The following WASF3 variants were observed in gnomAD, a reference collection of about 807,000 sequenced individuals.
The protein encoded by WASF3 is WASP family member 3, also known as actin-binding protein WASF3.
Under a neutral mutation model 46.6 loss-of-function variants are expected in WASF3, and 11 were observed. The ratio of observed to expected loss-of-function variants is 0.24; its 90% CI spans 0.15 to 0.39. The LOEUF (loss-of-function observed/expected upper bound fraction) is 0.39, where lower values mean the gene tolerates loss of function less well. Ranked by LOEUF, WASF3 falls within the 10% of genes least tolerant of loss-of-function variation. The pLI, the probability that WASF3 is intolerant of heterozygous loss-of-function variation, is 1.00. For missense variants in WASF3, 576 were observed against 669.8 expected (o/e 0.86, Z 1.55); for synonymous variants, 242 against 259.7 (o/e 0.93, Z 0.65).
chr13:26,687,083 C>G lies in WASF3; in HGVS notation c.*1238C>G, dbSNP rs949231430. On this transcript the variant is annotated 3_prime_UTR_variant, in exon 10 of 10. Transcript: ENST00000335327. ...TGCTGTGCCCTCACCTCCACCCTTC[C>G]TGTTGTTCCCACGTGGGCAATACCA... 1 of 152,252 alleles carries G rather than the reference C, an allele frequency of 6.6e-6. No homozygotes were observed. Among genetic ancestry groups the G allele is most frequent in the African/African-American group, 2.4e-5 (1 of 41,456 alleles). 9.4% of individuals were successfully genotyped at this position (152,252 alleles called of 1,614,324 possible).
intron 2 of WASF3, among the ~76,000 whole-genome samples, chr13:26,613,294 T>A (rs1566051087): frequency 6.6e-6 from 1 of 152,026 alleles, no homozygotes; most frequent in Admixed American, 6.5e-5. Flanking sequence ...TTCACTTCCA[T>A]GTTAATTTTT....
chr13:26,637,749 T>C (rs1456624979), intron 2 of WASF3, among the ~76,000 whole-genome samples: 1 of 152,214 alleles, frequency 6.6e-6, no homozygotes, highest in Non-Finnish European at 1.5e-5. Context: ...GTCACTGTAA[T>C]CTTTAGCAAT....
the WASF3 span, among the ~76,000 whole-genome samples, chr13:26,544,823 G>A: frequency 3.0e-3 from 459 of 152,286 alleles, no homozygotes; most frequent in Non-Finnish European, 5.1e-3. Flanking sequence ...GTGGCCTGGC[G>A]GTTCCCACCA....
chr13:26,663,635 C>A (rs561932361), intron 3 of WASF3, among the ~76,000 whole-genome samples: 1 of 152,140 alleles, frequency 6.6e-6, no homozygotes, highest in Non-Finnish European at 1.5e-5. Flanking sequence ...AGGAATTCTT[C>A]TTGTTAAAAC....
rs930132603 is a variant in WASF3 at position 26,557,781 on chromosome 13, A to G, written c.-147A>G. The G allele has an allele frequency of 3.7e-6, 1 of 271,558 alleles. No individual in the cohort carries two copies. The highest frequency in any genetic ancestry group is 6.9e-6 in the Non-Finnish European group (1 of 145,960). The allele number at this position is 271,558 out of a possible 1,614,324, so 16.8% of individuals were successfully genotyped here. On this transcript the variant is annotated 5_prime_UTR_variant, in exon 1 of 10. Transcript: ENST00000335327. ...GCGGCGCGGCGGGACCATGGAGCTC[A>G]GAGCGCAGCCCCGGCGCCGGCGGCG...
intron 2 of WASF3, among the ~76,000 whole-genome samples, chr13:26,622,096 GTT>G (rs1301676406): frequency 6.6e-6 from 1 of 152,136 alleles, no homozygotes; most frequent in Non-Finnish European, 1.5e-5. Flanking sequence ...CACACATTTA[GTT>G]TTGTGTGTAT....
intron 2 of WASF3, among the ~76,000 whole-genome samples, chr13:26,613,264 A>AG (rs1316552600): frequency 2.0e-5 from 3 of 151,746 alleles, no homozygotes; most frequent in Non-Finnish European, 2.9e-5. Flanking sequence ...ACATTGAAAG[A>AG]GAAAAAAAAA....
At chr13:26,629,143 A>G (rs1410462919) in intron 2 of WASF3, among the ~76,000 whole-genome samples, 1 of 152,248 alleles carries the variant, frequency 6.6e-6, no homozygotes, top group Non-Finnish European at 1.5e-5. Flanking sequence ...TGTGGGGTCC[A>G]TCAGGCTGAT....
chr13:26,671,852 T>G lies in WASF3; in HGVS notation c.423-20T>G. The G allele has an allele frequency of 1.3e-6, 2 of 1,509,386 alleles. No individual in the cohort carries two copies. The highest frequency in any genetic ancestry group is 1.8e-6 in the Non-Finnish European group (2 of 1,112,624). 93.5% of individuals were successfully genotyped at this position (1,509,386 alleles called of 1,614,324 possible). A position where few individuals can be genotyped will look rare whatever the true frequency, so the allele number is the denominator to read the frequency against. On this transcript the variant is annotated intron_variant, in intron 5 of 9. Transcript: ENST00000335327. ...TCTAACAATCTTTTCTTCCCTGACTTACAATACATTGATTTGTAGAGATGA... is the reference window on the plus strand; with the variant it reads ...TCTAACAATCTTTTCTTCCCTGACTGACAATACATTGATTTGTAGAGATGA...
At chr13:26,564,491 A>C (rs570590048) in intron 1 of WASF3, among the ~76,000 whole-genome samples, 1 of 152,298 alleles carries the variant, frequency 6.6e-6, no homozygotes, top group South Asian at 2.1e-4. Flanking sequence ...AATTTTTAAA[A>C]GTTCCTCTAG....
the WASF3 span, among the ~76,000 whole-genome samples, chr13:26,550,569 A>C: frequency 6.6e-6 from 1 of 152,218 alleles, no homozygotes; most frequent in Non-Finnish European, 1.5e-5. Context: ...TTGACTGGGA[A>C]TTTAATCCTG....
At chr13:26,666,866 CAAAAAA>C (rs1168774717) in intron 4 of WASF3, among the ~76,000 whole-genome samples, 2 of 62,808 alleles carry the variant, frequency 3.2e-5, no homozygotes, top group African/African-American at 5.1e-5. Context: ...AAGACTGTCT[CAAAAAA>C]AAAAAAAAAA....
intron 3 of WASF3, among the ~76,000 whole-genome samples, chr13:26,663,192 T>C (rs59396475): frequency 6.6e-6 from 1 of 152,122 alleles, no homozygotes; most frequent in African/African-American, 2.4e-5. Context: ...TGGGTTCTTT[T>C]TAACATGGGG....
intron 9 of WASF3, among the ~76,000 whole-genome samples, chr13:26,683,957 G>A (rs1335596016): frequency 6.6e-6 from 1 of 152,138 alleles, no homozygotes; most frequent in Admixed American, 6.5e-5. Context: ...CTCGCCTGTG[G>A]GGAGCTGCAC....
chr13:26,669,898 A>G (rs1254536572), intron 5 of WASF3, among the ~76,000 whole-genome samples: 1 of 152,178 alleles, frequency 6.6e-6, no homozygotes. Flanking sequence ...ACGCTTTTAT[A>G]CTGTTGGTGG....
At chr13:26,567,811 A>G (rs1321452960) in intron 1 of WASF3, among the ~76,000 whole-genome samples, 1 of 152,056 alleles carries the variant, frequency 6.6e-6, no homozygotes, top group African/African-American at 2.4e-5. Flanking sequence ...ATACGTGTAT[A>G]TATACGTGTG....
chr13:26,680,031 T>A (rs1310136830), intron 7 of WASF3: 1 of 1,595,444 alleles, frequency 6.3e-7, no homozygotes, highest in East Asian at 2.2e-5. Context: ...GGTATTTCCT[T>A]CAGAGAGAGA....
intron 1 of WASF3, chr13:26,609,475 CTT>C (rs35809170): frequency 2.0e-3 from 273 of 139,392 alleles, no homozygotes; most frequent in Middle Eastern, 7.0e-3. Context: ...TAGAAAAAGA[CTT>C]TTTTTTTTTT....
At chr13:26,598,933 C>T (rs981380351) in intron 1 of WASF3, among the ~76,000 whole-genome samples, 3 of 151,980 alleles carry the variant, frequency 2.0e-5, no homozygotes, top group East Asian at 1.9e-4. Context: ...TGCACTGGCA[C>T]GATCTTGGCT....
Sources: gnomAD v4.1 joint callset for allele counts (sites outside exome capture counted in the v4.1 genomes callset) on GRCh38, gnomAD v4.1.1 for gene constraint, MANE v1.5 for transcripts, NCBI Gene and HGNC (gene_info 2026-07-23, HGNC 2026-07-21) for gene names.